The following FARS2 variants were observed in gnomAD, a reference collection of about 807,000 sequenced individuals.
FARS2 encodes the protein phenylalanyl-tRNA synthetase 2, mitochondrial, also known as phenylalanine--tRNA ligase, mitochondrial.
In FARS2, 40 loss-of-function variants were observed where a neutral mutation model predicts 46.4. That is an observed-to-expected ratio of 0.86 (90% CI 0.67 to 1.12). The LOEUF (loss-of-function observed/expected upper bound fraction) is 1.12, where lower values mean the gene tolerates loss of function less well. Among genes scored for constraint, FARS2 ranks in the 50% most tolerant of loss-of-function variants. The pLI is 0.00. For missense variants in FARS2, 513 were observed against 567.9 expected (o/e 0.90, Z 0.98); for synonymous variants, 234 against 214.9 (o/e 1.09, Z -0.78).
chr6:5,532,780 T>TAAGAAG (rs1441043690), intron 4 of FARS2, among the ~76,000 whole-genome samples: 416 of 146,496 alleles, frequency 2.8e-3, no homozygotes, highest in South Asian at 0.011. Context: ...ATAATAATAA[T>TAAGAAG]AATAAGAAGA....
chr6:5,461,408 T>C (rs2150300717), intron 4 of FARS2, among the ~76,000 whole-genome samples: 1 of 152,324 alleles, frequency 6.6e-6, no homozygotes, highest in East Asian at 1.9e-4. Flanking sequence ...ATTTTTTTAA[T>C]AGCTTATTGA....
At chr6:5,546,489 A>T (rs1438355031) in intron 5 of FARS2, among the ~76,000 whole-genome samples, 1 of 151,300 alleles carries the variant, frequency 6.6e-6, no homozygotes, top group African/African-American at 2.4e-5. Context: ...TGACCTTGTG[A>T]TTCGCCCGCC....
chr6:5,291,124 T>C (rs1767473068), intron 1 of FARS2: 2 of 152,240 alleles, frequency 1.3e-5, no homozygotes, highest in Admixed American at 1.3e-4. Flanking sequence ...ACTTCAGAAA[T>C]AGTTGTAGAA....
At chr6:5,634,189 A>T (rs2150725819) in intron 6 of FARS2, among the ~76,000 whole-genome samples, 1 of 152,334 alleles carries the variant, frequency 6.6e-6, no homozygotes, top group Middle Eastern at 3.4e-3. Flanking sequence ...TGAGAGAATC[A>T]AACTTTTATT....
chr6:5,607,238 C>T (rs1025782571), intron 5 of FARS2, among the ~76,000 whole-genome samples: 3 of 151,198 alleles, frequency 2.0e-5, no homozygotes, highest in Admixed American at 6.6e-5. Flanking sequence ...TGAATAGAGA[C>T]ACTAAATAAC....
intron 6 of FARS2, among the ~76,000 whole-genome samples, chr6:5,642,090 T>C (rs1776847883): frequency 6.6e-6 from 1 of 152,216 alleles, no homozygotes; most frequent in South Asian, 2.1e-4. Context: ...CTCACACTAA[T>C]ACTACATAGG....
At chr6:5,347,944 C>A (rs1358528082) in intron 1 of FARS2, among the ~76,000 whole-genome samples, 1 of 152,168 alleles carries the variant, frequency 6.6e-6, no homozygotes, top group Non-Finnish European at 1.5e-5. Flanking sequence ...TGATGTCAAC[C>A]ACTTTTTCAT....
chr6:5,483,062 G>A (rs1464460612), intron 4 of FARS2, among the ~76,000 whole-genome samples: 1 of 152,162 alleles, frequency 6.6e-6, no homozygotes, highest in Non-Finnish European at 1.5e-5. Context: ...TTGGGTCCAT[G>A]TACAAGAGCA....
At chr6:5,432,448 ATATATAT>A (rs1172559237) in intron 4 of FARS2, among the ~76,000 whole-genome samples, 55 of 128,326 alleles carry the variant, frequency 4.3e-4, no homozygotes, top group African/African-American at 1.3e-3. Context: ...AATATATAAA[ATATATAT>A]TATATATTAT....
intron 5 of FARS2, among the ~76,000 whole-genome samples, chr6:5,565,727 A>G (rs1772284995): frequency 6.6e-6 from 1 of 152,262 alleles, no homozygotes; most frequent in Middle Eastern, 3.4e-3. Flanking sequence ...AAACATCTCA[A>G]ATGATCCTGT....
chr6:5,671,581 G>C (rs1778466332), intron 6 of FARS2, among the ~76,000 whole-genome samples: 1 of 152,126 alleles, frequency 6.6e-6, no homozygotes, highest in Admixed American at 6.5e-5. Context: ...AACACTGTCG[G>C]GCCAGTCTGG....
intron 6 of FARS2, among the ~76,000 whole-genome samples, chr6:5,759,437 G>A (rs1354887411): frequency 1.3e-5 from 2 of 152,116 alleles, no homozygotes; most frequent in Non-Finnish European, 2.9e-5. Flanking sequence ...GTCATGTCTT[G>A]TTTGTTTTGT....
At chr6:5,264,306 G>T (rs1765394377) in intron 1 of FARS2, among the ~76,000 whole-genome samples, 1 of 152,050 alleles carries the variant, frequency 6.6e-6, no homozygotes, top group African/African-American at 2.4e-5. Flanking sequence ...CACCACACAT[G>T]AATCCAAGTA....
intron 4 of FARS2, among the ~76,000 whole-genome samples, chr6:5,447,330 A>G (rs1204756028): frequency 1.3e-5 from 2 of 152,200 alleles, no homozygotes; most frequent in African/African-American, 2.4e-5. Context: ...GGAAAAGGTC[A>G]TGGATTGAAG....
At chr6:5,419,194 A>G (rs1157341463) in intron 3 of FARS2, among the ~76,000 whole-genome samples, 2 of 152,190 alleles carry the variant, frequency 1.3e-5, no homozygotes, top group Non-Finnish European at 2.9e-5. Context: ...GGAGATGGAT[A>G]CAATCCTAAA....
chr6:5,470,337 C>T (rs900193418), intron 4 of FARS2, among the ~76,000 whole-genome samples: 19 of 152,226 alleles, frequency 1.2e-4, no homozygotes, highest in South Asian at 1.0e-3. Context: ...CAAGAGAATG[C>T]GCATAGATTA....
intron 6 of FARS2, among the ~76,000 whole-genome samples, chr6:5,646,868 A>C (rs1270222480): frequency 3.3e-5 from 5 of 152,316 alleles, no homozygotes; most frequent in Non-Finnish European, 7.3e-5. Flanking sequence ...TTTGATCCAC[A>C]GTTGGTTGAA....
intron 1 of FARS2, among the ~76,000 whole-genome samples, chr6:5,338,346 C>T (rs1291807811): frequency 6.6e-6 from 1 of 152,146 alleles, no homozygotes; most frequent in East Asian, 1.9e-4. Flanking sequence ...AAGCTGAAAA[C>T]ATCTATCTGT....
At chr6:5,724,064 G>T (rs575094146) in intron 6 of FARS2, among the ~76,000 whole-genome samples, 1 of 152,334 alleles carries the variant, frequency 6.6e-6, no homozygotes, top group East Asian at 1.9e-4. Context: ...ACGGGAGGCC[G>T]CTCCAGGCAA....
Sources: allele counts gnomAD v4.1 joint callset (sites outside exome capture counted in the v4.1 genomes callset), GRCh38; gene constraint gnomAD v4.1.1; transcripts MANE v1.5; gene names NCBI Gene and HGNC (gene_info 2026-07-23, HGNC 2026-07-21).